The following ARHGAP6 variants were observed in gnomAD, a reference collection of about 807,000 sequenced individuals.
ARHGAP6 encodes the protein rho GTPase-activating protein 6.
In ARHGAP6, 16 loss-of-function variants were observed where a neutral mutation model predicts 55.7. The observed-to-expected ratio is 0.29, with a 90% CI of 0.19 to 0.44. The LOEUF is 0.44. Among genes scored for constraint, ARHGAP6 ranks in the 20% least tolerant of loss-of-function variants. The pLI is 1.00. For synonymous variants in ARHGAP6, 382 were observed against 360.9 expected (o/e 1.06, Z -0.66); for missense variants, 698 against 808.9 (o/e 0.86, Z 1.66).
At chrX:11,363,202 A>G (rs2049034041) in intron 1 of ARHGAP6, among the ~76,000 whole-genome samples, 1 of 111,917 alleles carries the variant, frequency 8.9e-6, no homozygotes, top group South Asian at 3.7e-4. Context: ...GGGAAGTGAA[A>G]CTTCTAGAGT....
intron 2 of ARHGAP6, among the ~76,000 whole-genome samples, chrX:11,210,976 C>T (rs1472083309): frequency 1.8e-5 from 2 of 111,776 alleles, no homozygotes; most frequent in Non-Finnish European, 3.8e-5. Context: ...AGTAGACTCA[C>T]AAATGGAATG....
At chrX:11,543,122 A>G (rs956936361) in intron 1 of ARHGAP6, among the ~76,000 whole-genome samples, 1 of 112,069 alleles carries the variant, frequency 8.9e-6, no homozygotes, top group Admixed American at 9.4e-5. Flanking sequence ...TTTACAAAAA[A>G]TGTTGATTTA....
At chrX:11,529,322 G>C (rs1225531095) in intron 1 of ARHGAP6, among the ~76,000 whole-genome samples, 1 of 111,991 alleles carries the variant, frequency 8.9e-6, no homozygotes, top group Non-Finnish European at 1.9e-5. Context: ...TGTATTGAAA[G>C]ACAAGGTTTG....
At chrX:11,209,093 T>A (rs2046750322) in intron 2 of ARHGAP6, among the ~76,000 whole-genome samples, 1 of 112,036 alleles carries the variant, frequency 8.9e-6, no homozygotes, top group Non-Finnish European at 1.9e-5. Flanking sequence ...GAAAAAATAA[T>A]TCAGATAATC....
chrX:11,491,375 C>A (rs1430092171), intron 1 of ARHGAP6, among the ~76,000 whole-genome samples: 2 of 109,680 alleles, frequency 1.8e-5, no homozygotes, highest in African/African-American at 6.7e-5. Context: ...CCCCCCACCC[C>A]ACAACAGTCC....
At chrX:11,448,518 C>G (rs751073942) in intron 1 of ARHGAP6, among the ~76,000 whole-genome samples, 2 of 112,002 alleles carry the variant, frequency 1.8e-5, no homozygotes. Flanking sequence ...AGCCTGTACT[C>G]ACTCCACTTC....
At chrX:11,359,999 T>C (rs1170794511) in intron 1 of ARHGAP6, among the ~76,000 whole-genome samples, 1 of 111,579 alleles carries the variant, frequency 9.0e-6, no homozygotes, top group Non-Finnish European at 1.9e-5. Context: ...GGCTCTGAAA[T>C]TGTGGCAATA....
chrX:11,409,083 C>T (rs1603186495), intron 1 of ARHGAP6, among the ~76,000 whole-genome samples: 1 of 111,497 alleles, frequency 9.0e-6, no homozygotes, highest in Non-Finnish European at 1.9e-5. Context: ...TACTGTTCCC[C>T]TTACTCCTTC....
intron 1 of ARHGAP6, among the ~76,000 whole-genome samples, chrX:11,402,048 G>A (rs1023584772): frequency 8.9e-6 from 1 of 111,732 alleles, no homozygotes; most frequent in Non-Finnish European, 1.9e-5. Flanking sequence ...ATCTCTGAAA[G>A]ATAGGTCTGC....
At chrX:11,206,804 G>T (rs2046710606) in intron 2 of ARHGAP6, among the ~76,000 whole-genome samples, 1 of 110,923 alleles carries the variant, frequency 9.0e-6, no homozygotes. Flanking sequence ...GATGATTTTA[G>T]GAACTTAGTT....
chrX:11,518,779 C>T (rs1275573772), intron 1 of ARHGAP6, among the ~76,000 whole-genome samples: 1 of 61,776 alleles, frequency 1.6e-5, no homozygotes, highest in African/African-American at 6.4e-5. Context: ...TGCTATCCCT[C>T]CCCCCTCCCC....
chrX:11,658,357 TGA>T (rs1468191317), intron 1 of ARHGAP6, among the ~76,000 whole-genome samples: 1 of 111,659 alleles, frequency 9.0e-6, no homozygotes, highest in Non-Finnish European at 1.9e-5. Context: ...AGAGATAGCC[TGA>T]GAGAGAGTGT....
At chrX:11,432,418 C>G (rs2049948843) in intron 1 of ARHGAP6, among the ~76,000 whole-genome samples, 1 of 112,204 alleles carries the variant, frequency 8.9e-6, no homozygotes, top group Non-Finnish European at 1.9e-5. Flanking sequence ...CATCATTATA[C>G]ATATCTCCTT....
chrX:11,268,849 C>T (rs2047659588), intron 1 of ARHGAP6, among the ~76,000 whole-genome samples: 1 of 111,483 alleles, frequency 9.0e-6, no homozygotes, highest in Admixed American at 9.5e-5. Flanking sequence ...GGACCTGAGA[C>T]ATAAGAAGGC....
At chrX:11,527,377 G>T (rs1487407138) in intron 1 of ARHGAP6, among the ~76,000 whole-genome samples, 1 of 112,077 alleles carries the variant, frequency 8.9e-6, no homozygotes, top group Non-Finnish European at 1.9e-5. Context: ...ACTTTGGGAG[G>T]CTGAGATGGG....
chrX:11,184,760 G>A (rs754884983), intron 5 of ARHGAP6, among the ~76,000 whole-genome samples: 5 of 112,068 alleles, frequency 4.5e-5, no homozygotes, highest in African/African-American at 6.5e-5. Flanking sequence ...GGGTACTTAC[G>A]TTCATTTTGC....
At chrX:11,291,075 A>G (rs908430588) in intron 1 of ARHGAP6, among the ~76,000 whole-genome samples, 2 of 112,538 alleles carry the variant, frequency 1.8e-5, no homozygotes, top group African/African-American at 6.5e-5. Context: ...AAAATGAGCA[A>G]AAGAACTATT....
At chrX:11,363,706 G>T (rs778560282) in intron 1 of ARHGAP6, among the ~76,000 whole-genome samples, 2 of 112,147 alleles carry the variant, frequency 1.8e-5, no homozygotes, top group Admixed American at 9.5e-5. Flanking sequence ...ATAGACAGAA[G>T]TCCACTGAAC....
intron 1 of ARHGAP6, among the ~76,000 whole-genome samples, chrX:11,314,875 A>G (rs906881707): frequency 4.5e-5 from 5 of 112,094 alleles, no homozygotes; most frequent in African/African-American, 1.6e-4. Flanking sequence ...AATCTGTACA[A>G]CAAAACCCCA....
Sources: gnomAD v4.1 joint callset for allele counts (sites outside exome capture counted in the v4.1 genomes callset) on GRCh38, gnomAD v4.1.1 for gene constraint, MANE v1.5 for transcripts, NCBI Gene and HGNC (gene_info 2026-07-23, HGNC 2026-07-21) for gene names.